The following ZNF821 variants were observed in gnomAD, a reference collection of about 807,000 sequenced individuals.
The protein encoded by ZNF821 is zinc finger protein 821.
A neutral mutation model predicts 44.3 loss-of-function variants in ZNF821; 16 were observed. The ratio of observed to expected loss-of-function variants is 0.36; its 90% CI spans 0.24 to 0.55. The LOEUF is 0.55. ZNF821 is among the 20% of genes least tolerant of loss of function. The pLI, the probability that ZNF821 is intolerant of heterozygous loss-of-function variation, is 0.86. For missense variants in ZNF821, 436 were observed against 547.6 expected (o/e 0.80, Z 2.03); for synonymous variants, 204 against 197.6 (o/e 1.03, Z -0.27).
At chr16:71,873,322 A>AG (rs199850519) in intron 3 of ZNF821, among the ~76,000 whole-genome samples, 1 of 138,480 alleles carries the variant, frequency 7.2e-6, no homozygotes, top group African/African-American at 2.6e-5. Context: ...ATGCTGTCTC[A>AG]AAAAAAAAAA....
chr16:71,860,293 G>A lies in ZNF821; in HGVS notation c.964C>T (p.Arg322Trp). Residue 322 changes from arginine (R) to tryptophan (W), a missense_variant, in exon 8 of 8, where the codon CGG becomes TGG. By Grantham distance (101) the Arg-to-Trp change is moderately radical. Around this residue, in one of 5 missense-constraint regions of ZNF821, gnomAD observed 72 missense variants for 133.3 expected, o/e 0.54. Transcript: ENST00000425432. This position sits in a 1 kb window ranked among gnomAD's most constrained non-coding sequence, Gnocchi z 7.3. ...TTCAGCCTCATGGCCTCCCGATCCC[G>A]CTGCAGCCGGCGTGCCCGCTGCTCG... is the stretch of plus-strand genomic sequence containing the variant. Reference protein sequence around the residue: ...TDEQRARRLQRDREAMRLKRA... With the variant: ...TDEQRARRLQWDREAMRLKRA... 4 of 1,613,132 alleles carry A rather than the reference G, an allele frequency of 2.5e-6. No individual in the cohort carries two copies. Among genetic ancestry groups the A allele is most frequent in the Non-Finnish European group, 2.5e-6 (3 of 1,180,006 alleles).
rs539097067 is a variant in ZNF821, at chr16:71,880,011, G to T, written c.-65C>A. 1 of 1,485,172 alleles carries T rather than the reference G, an allele frequency of 6.7e-7. No homozygotes were observed. The highest frequency in any genetic ancestry group is 2.3e-5 in the East Asian group (1 of 43,404). The allele number at this position is 1,485,172 out of a possible 1,614,324, so 92.0% of individuals were successfully genotyped here. On this transcript the variant is annotated 5_prime_UTR_variant, in exon 3 of 8. Transcript: ENST00000425432. Reference sequence around the variant, plus strand: ...CGACTGGATATGTTACTACCTCCTTGCAAGATGCTAACCTGCAATAAAAAA... The same window carrying T: ...CGACTGGATATGTTACTACCTCCTTTCAAGATGCTAACCTGCAATAAAAAA...
At chr16:71,865,580 A>G (rs1217476429) in intron 4 of ZNF821, among the ~76,000 whole-genome samples, 3 of 152,252 alleles carry the variant, frequency 2.0e-5, no homozygotes, top group Non-Finnish European at 4.4e-5. Flanking sequence ...TGGAAGCAGT[A>G]GTAAATGAGT....
rs1459576706 is a variant in ZNF821 at position 71,859,921 on chromosome 16, CAG to C, written c.*95_*96del. On this transcript the variant is annotated 3_prime_UTR_variant, in exon 8 of 8. Transcript: ENST00000425432. ...CCAGGCCTGCCTCTGGCAGCAAGGA[CAG>C]GGCCTCGTGGGTGGCAGCAGCACTG... 7.4e-7 allele frequency: 1 copy of C among 1,347,124 alleles called. No individual in the cohort carries two copies. Among genetic ancestry groups the C allele is most frequent in the Non-Finnish European group, 9.8e-7 (1 of 1,020,652 alleles). The allele number at this position is 1,347,124 out of a possible 1,614,324, so 83.4% of individuals were successfully genotyped here. A position where few individuals can be genotyped will look rare whatever the true frequency, so the allele number is the denominator to read the frequency against.
rs530678289 is a variant in ZNF821, at chr16:71,892,086, G to A, written n.448+2803C>T. 6.8e-5 allele frequency among the ~76,000 whole-genome samples: 9 copies of A among 132,458 alleles called. No homozygotes were observed. The East Asian group carries it at 2.2e-3, about 33-fold the overall frequency. 86.9% of individuals were successfully genotyped at this position (132,458 alleles called of 152,430 possible). On this transcript the variant is annotated intron_variant and non_coding_transcript_variant, in intron 1 of 2. Transcript: ENST00000561700. ...CTTGGTACTTGTAAGGCTGCGACAG[G>A]AGAATCGCTTTAACCCGGGAGGTGG...
intron 5 of ZNF821, 151 bp downstream of exon 5, chr16:71,864,752 G>C (rs935056910): frequency 2.3e-6 from 2 of 880,268 alleles, no homozygotes; most frequent in Non-Finnish European, 3.5e-6. Context: ...AGAGTCTGAG[G>C]TGTGGGTTCT....
chr16:71,871,073 C>A (rs147410836), intron 3 of ZNF821, among the ~76,000 whole-genome samples: 1 of 152,150 alleles, frequency 6.6e-6, no homozygotes, highest in African/African-American at 2.4e-5. Context: ...AATTCAGTTT[C>A]GTCTCCAACT....
intron 1 of ZNF821, chr16:71,883,674 GC>G (rs1434740816): frequency 6.6e-6 from 1 of 152,336 alleles, no homozygotes; most frequent in African/African-American, 2.4e-5. Context: ...AAGCCCCCCG[GC>G]CCCGCACCCC....
rs2034346708 is a variant in ZNF821 at position 71,864,809 on chromosome 16, A to C, written c.312+94T>G. 4 of 1,514,332 alleles carry C rather than the reference A, an allele frequency of 2.6e-6. No individual in the cohort carries two copies. The Admixed American group carries it at 7.4e-5, about 28-fold the overall frequency. The allele number at this position is 1,514,332 out of a possible 1,614,324, so 93.8% of individuals were successfully genotyped here. ...TCCCATGCAGGCCCAGGAGACCATCAGAGGCAAGACTGTGCCACAGGGGTG... is the reference window on the plus strand; with the variant it reads ...TCCCATGCAGGCCCAGGAGACCATCCGAGGCAAGACTGTGCCACAGGGGTG... On this transcript the variant is annotated intron_variant, in intron 5 of 7. Transcript: ENST00000425432.
chr16:71,879,549 C>T (rs1413729457), intron 3 of ZNF821, among the ~76,000 whole-genome samples: 3 of 152,046 alleles, frequency 2.0e-5, no homozygotes, highest in South Asian at 4.1e-4. Context: ...GGTTACAATA[C>T]GGTCTTATAG....
chr16:71,894,734 C>T, intron 1 of ZNF821: 3 of 566,494 alleles, frequency 5.3e-6, no homozygotes, highest in Non-Finnish European at 8.9e-6. Flanking sequence ...TGCGGTTTCA[C>T]TATGGTGTCC....
At chr16:71,874,031 T>C (rs1462011230) in intron 3 of ZNF821, among the ~76,000 whole-genome samples, 2 of 150,340 alleles carry the variant, frequency 1.3e-5, no homozygotes, top group African/African-American at 2.5e-5. Context: ...CGACCTTGGC[T>C]CACTGCAACC....
upstream of ZNF821, among the ~76,000 whole-genome samples, chr16:71,887,007 A>G (rs1225543028): frequency 1.3e-5 from 2 of 152,370 alleles, no homozygotes; most frequent in East Asian, 1.9e-4. Context: ...GTTGTAGCAT[A>G]TATCAGTACT....
intron 1 of ZNF821, among the ~76,000 whole-genome samples, chr16:71,891,869 C>T (rs1567454283): frequency 6.6e-6 from 1 of 151,762 alleles, no homozygotes; most frequent in Non-Finnish European, 1.5e-5. Context: ...CGTGGTGGTG[C>T]AGGCCTGTAG....
intron 3 of ZNF821, among the ~76,000 whole-genome samples, chr16:71,876,710 C>A (rs1052926507): frequency 1.3e-5 from 2 of 152,138 alleles, no homozygotes; most frequent in African/African-American, 2.4e-5. Flanking sequence ...TGGGTTCAAG[C>A]GATCCTCCCA....
At chr16:71,894,698 C>CTT (rs35889170) in intron 1 of ZNF821, 33,924 of 440,746 alleles carry the variant, frequency 0.077, 1,955 homozygotes, top group East Asian at 0.14. Context: ...TAATTTTTAA[C>CTT]TTTTTTTTTT....
At chr16:71,881,961 A>G (rs2036463152) in intron 2 of ZNF821, 1 of 151,094 alleles carries the variant, frequency 6.6e-6, no homozygotes, top group African/African-American at 2.4e-5. Context: ...ACAGAGTGAG[A>G]CTCCATCTCA....
chr16:71,881,669 C>T (rs545765449), intron 2 of ZNF821: 3 of 152,274 alleles, frequency 2.0e-5, no homozygotes, highest in African/African-American at 7.2e-5. Context: ...GAAATGCAGG[C>T]TCTATTAATA....
chr16:71,890,239 T>A (rs1195853468), intron 1 of ZNF821, among the ~76,000 whole-genome samples: 4 of 151,522 alleles, frequency 2.6e-5, no homozygotes, highest in South Asian at 4.1e-4. Context: ...TTCTTTTTTT[T>A]ATTGTTTTTC....
Sources: allele counts gnomAD v4.1 joint callset (sites outside exome capture counted in the v4.1 genomes callset), GRCh38; gene constraint gnomAD v4.1.1; regional missense constraint gnomAD v4.1.1; non-coding constraint Gnocchi (gnomAD v3.1); transcripts MANE v1.5; gene names NCBI Gene and HGNC (gene_info 2026-07-23, HGNC 2026-07-21).